TDRD3: variants seen among roughly 807,000 people sequenced by gnomAD.
The protein encoded by TDRD3 is tudor domain-containing protein 3.
Under a neutral mutation model 86.7 loss-of-function variants are expected in TDRD3, and 45 were observed. The observed-to-expected ratio is 0.52, with a 90% CI of 0.41 to 0.67. The LOEUF (loss-of-function observed/expected upper bound fraction) is 0.67, where lower values mean the gene tolerates loss of function less well. Ranked by LOEUF, TDRD3 falls within the 30% of genes least tolerant of loss-of-function variation. The probability of loss-of-function intolerance (pLI) is 0.00; values close to 1 mark genes in which losing one functional copy is unlikely to be tolerated. For synonymous variants in TDRD3, 298 were observed against 301.7 expected, an observed-to-expected ratio of 0.99 and a Z score of 0.13; for missense variants, 814 against 889.0, an observed-to-expected ratio of 0.92 and a Z score of 1.07.
intron 1 of TDRD3, among the ~76,000 whole-genome samples, chr13:60,429,623 CT>C (rs1954902790): frequency 6.6e-6 from 1 of 152,160 alleles, no homozygotes; most frequent in East Asian, 1.9e-4. Flanking sequence ...AATTGTAAAA[CT>C]GAATGATTTA....
chr13:60,504,139 G>T (rs555953340), intron 8 of TDRD3, among the ~76,000 whole-genome samples: 1 of 151,942 alleles, frequency 6.6e-6, no homozygotes, highest in Admixed American at 6.6e-5. Flanking sequence ...TTACCTCTAG[G>T]TTTATCTTAT....
chr13:60,409,500 C>A (rs1954308936), intron 1 of TDRD3, among the ~76,000 whole-genome samples: 1 of 152,168 alleles, frequency 6.6e-6, no homozygotes, highest in Non-Finnish European at 1.5e-5. Context: ...CTGTCCAAGA[C>A]CATGGAAACC....
In TDRD3 at chr13:60,558,924, CT is replaced by C. The variant is rs373075507; in HGVS notation, c.2119-8599del. ...TAAGCTGGTGGCAAGAACCTTTCTT[CT>C]TGCATTGGCTCTTTCATTTTTTTCC... On this transcript the variant is annotated intron_variant, in intron 12 of 13. Coordinates refer to ENST00000377881, the MANE Select transcript of TDRD3 (RefSeq NM_001146070.2). Among the ~76,000 whole-genome samples the C allele has an allele frequency of 3.0e-4, 44 of 147,076 alleles. 1 individual carries two copies. The highest frequency in any genetic ancestry group is 1.1e-3 in the African/African-American group (44 of 40,126).
At chr13:60,503,513 A>T (rs1956876457) in intron 8 of TDRD3, among the ~76,000 whole-genome samples, 1 of 152,218 alleles carries the variant, frequency 6.6e-6, no homozygotes, top group Admixed American at 6.5e-5. Context: ...ATTCACCAAA[A>T]TATAACTTAA....
intron 7 of TDRD3, among the ~76,000 whole-genome samples, chr13:60,489,842 T>A (rs891708116): frequency 6.6e-6 from 1 of 152,152 alleles, no homozygotes; most frequent in East Asian, 1.9e-4. Flanking sequence ...TCAGAAGATA[T>A]TGAGAATATA....
chr13:60,565,246 G>A (rs1179875557), intron 12 of TDRD3, among the ~76,000 whole-genome samples: 1 of 151,622 alleles, frequency 6.6e-6, no homozygotes, highest in Admixed American at 6.6e-5. Context: ...TAGTAGAGAC[G>A]AGGTTTCACC....
rs1358484801 is a variant in TDRD3 at position 60,522,709 on chromosome 13, TA to T, written c.1142-5656del. Among the ~76,000 whole-genome samples the T allele has an allele frequency of 5.3e-5, 8 of 152,352 alleles. No homozygotes were observed. In the East Asian group the frequency reaches 1.5e-3, roughly 29 times the overall value. ...AATAGAAGTTTAGGTTTTTCTGCGTTAATAGAAAGAGATTATTAATTTTAGG... is the reference window on the plus strand; with the variant it reads ...AATAGAAGTTTAGGTTTTTCTGCGTTATAGAAAGAGATTATTAATTTTAGG... On this transcript the variant is annotated intron_variant, in intron 10 of 13. Coordinates refer to ENST00000377881, the MANE Select transcript of TDRD3 (RefSeq NM_001146070.2).
At chr13:60,410,532 T>C (rs1000642398) in intron 1 of TDRD3, among the ~76,000 whole-genome samples, 1 of 152,198 alleles carries the variant, frequency 6.6e-6, no homozygotes, top group Non-Finnish European at 1.5e-5. Context: ...GGCAACCCTT[T>C]GTGTCTGTGC....
intron 1 of TDRD3, among the ~76,000 whole-genome samples, chr13:60,412,704 G>C (rs1467889956): frequency 6.6e-6 from 1 of 152,020 alleles, no homozygotes; most frequent in Non-Finnish European, 1.5e-5. Flanking sequence ...TTGGCCAACT[G>C]CTTGATTTTT....
rs1288461647 is a variant in TDRD3 at position 60,529,136 on chromosome 13, A to G, written c.1911A>G (p.Leu637=). 1 of 1,613,886 alleles carries G rather than the reference A, an allele frequency of 6.2e-7. No homozygotes were observed. Among genetic ancestry groups the G allele is most frequent in the African/African-American group, 1.3e-5 (1 of 74,936 alleles). The change falls in exon 11 of 14, where the codon CTA becomes CTG. Residue 637 remains leucine, a synonymous_variant. Coordinates refer to ENST00000377881, the MANE Select transcript of TDRD3 (RefSeq NM_001146070.2). The part of the protein sequence containing the change: ...RSGPIKPEKI[L]ESSIPMEYAK... ...GGCCAATTAAGCCAGAAAAAATACT[A>G]GAATCATCTATTCCTATGGAGTATG...
intron 1 of TDRD3, among the ~76,000 whole-genome samples, chr13:60,399,016 C>T (rs4886224): frequency 1.3e-5 from 2 of 152,116 alleles, no homozygotes; most frequent in Non-Finnish European, 2.9e-5. Flanking sequence ...ACATGACCCC[C>T]CCTCCTTTGG....
intron 5 of TDRD3, among the ~76,000 whole-genome samples, chr13:60,478,035 A>G (rs906800913): frequency 6.6e-6 from 1 of 151,592 alleles, no homozygotes; most frequent in Non-Finnish European, 1.5e-5. Context: ...TTTTTTTATT[A>G]ATTATTCAAT....
intron 10 of TDRD3, 48 bp downstream of exon 10, chr13:60,510,803 T>A: frequency 9.8e-6 from 2 of 204,540 alleles, no homozygotes; most frequent in Non-Finnish European, 8.3e-6. Flanking sequence ...CTTTTCTTTC[T>A]TTTTTTTTTT....
At chr13:60,531,907 T>G (rs1262446275) in intron 11 of TDRD3, among the ~76,000 whole-genome samples, 1 of 152,168 alleles carries the variant, frequency 6.6e-6, no homozygotes, top group Non-Finnish European at 1.5e-5. Flanking sequence ...GATAATTAGA[T>G]TGAGCAGAGT....
Position 60,509,935 on chromosome 13 carries a change from C to T in TDRD3, c.1015+16C>T. The T allele has an allele frequency of 6.2e-7, 1 of 1,611,170 alleles. No homozygotes were observed. The highest frequency in any genetic ancestry group is 8.5e-7 in the Non-Finnish European group (1 of 1,178,580). On this transcript the variant is annotated intron_variant, in intron 9 of 13. Coordinates refer to ENST00000377881, the MANE Select transcript of TDRD3 (RefSeq NM_001146070.2). ...CCTCTGAGAGGTATAATTTATTAAG[C>T]AGTGTGCCAGATAGTATTGTTTGCT...
intron 11 of TDRD3, among the ~76,000 whole-genome samples, chr13:60,530,991 A>G (rs1266664316): frequency 1.3e-5 from 2 of 152,138 alleles, no homozygotes; most frequent in African/African-American, 2.4e-5. Context: ...TTGCCTGATG[A>G]TAGAATAAGG....
chr13:60,398,184 G>A (rs1424882736), intron 1 of TDRD3, among the ~76,000 whole-genome samples: 1 of 152,206 alleles, frequency 6.6e-6, no homozygotes, highest in Non-Finnish European at 1.5e-5. Flanking sequence ...ATTCAGTAAC[G>A]CTTTTCCCAG....
intron 4 of TDRD3, chr13:60,460,782 A>T: frequency 3.7e-6 from 1 of 270,824 alleles, no homozygotes; most frequent in Non-Finnish European, 6.8e-6. Context: ...AGGGGGACGG[A>T]TCACCCAAGG....
rs919013064 is a variant in TDRD3, at chr13:60,397,538, C to T, written c.41+133C>T. 5 of 676,724 alleles carry T rather than the reference C, an allele frequency of 7.4e-6. No homozygotes were observed. The African/African-American group carries it at 7.6e-5, about 10-fold the overall frequency. The allele number at this position is 676,724 out of a possible 1,614,324, so 41.9% of individuals were successfully genotyped here. A position where few individuals can be genotyped will look rare whatever the true frequency, so the allele number is the denominator to read the frequency against. On this transcript the variant is annotated intron_variant, in intron 1 of 13. Coordinates refer to ENST00000377881, the MANE Select transcript of TDRD3 (RefSeq NM_001146070.2). ...TCCGCCCCCGGCCTCTCCCCGGGCC[C>T]TTCGGGCCGGCTCCGCCCCCGGCGC... is the stretch of plus-strand genomic sequence containing the variant.
Sources: allele counts gnomAD v4.1 joint callset (sites outside exome capture counted in the v4.1 genomes callset), GRCh38; gene constraint gnomAD v4.1.1; transcripts MANE v1.5; gene names NCBI Gene and HGNC (gene_info 2026-07-23, HGNC 2026-07-21).